PABPC4L: variants seen among roughly 807,000 people sequenced by gnomAD.
PABPC4L encodes polyadenylate-binding protein 4-like.
For missense variants in PABPC4L, 452 were observed against 451.4 expected (o/e 1.00, Z -0.01); for synonymous variants, 169 against 164.1 (o/e 1.03, Z -0.23).
the PABPC4L span, among the ~76,000 whole-genome samples, chr4:134,190,992 T>C: frequency 6.6e-6 from 1 of 152,182 alleles, no homozygotes; most frequent in African/African-American, 2.4e-5. Flanking sequence ...GCTTTCAGTG[T>C]ATCTCTTGAT....
the PABPC4L span, among the ~76,000 whole-genome samples, chr4:134,015,884 G>T: frequency 1.3e-5 from 2 of 152,110 alleles, no homozygotes; most frequent in Non-Finnish European, 2.9e-5. Flanking sequence ...ACTCTCTACA[G>T]TTCTCATAAC....
At chr4:134,157,199 A>T in the PABPC4L span, among the ~76,000 whole-genome samples, 1 of 151,236 alleles carries the variant, frequency 6.6e-6, no homozygotes, top group African/African-American at 2.4e-5. Flanking sequence ...TACCATGTGG[A>T]AGAATTTTTT....
the PABPC4L span, among the ~76,000 whole-genome samples, chr4:134,089,426 A>T: frequency 1.3e-5 from 2 of 152,100 alleles, no homozygotes; most frequent in East Asian, 1.9e-4. Flanking sequence ...CACAGTTTAC[A>T]TTAGGATTTA....
chr4:134,022,479 A>C, the PABPC4L span, among the ~76,000 whole-genome samples: 21 of 152,128 alleles, frequency 1.4e-4, no homozygotes, highest in Non-Finnish European at 2.9e-4. Flanking sequence ...TGTGTAATGT[A>C]AATTCATAGA....
the PABPC4L span, among the ~76,000 whole-genome samples, chr4:134,191,212 A>T: frequency 6.6e-6 from 1 of 152,128 alleles, no homozygotes; most frequent in East Asian, 1.9e-4. Flanking sequence ...GATTCTATAT[A>T]TACCAATTGG....
chr4:134,113,656 T>G, the PABPC4L span, among the ~76,000 whole-genome samples: 2 of 151,856 alleles, frequency 1.3e-5, no homozygotes, highest in Non-Finnish European at 2.9e-5. Context: ...ATACCAGATA[T>G]AGTAAACATT....
At chr4:134,080,704 G>A in the PABPC4L span, among the ~76,000 whole-genome samples, 1 of 152,080 alleles carries the variant, frequency 6.6e-6, no homozygotes, top group Non-Finnish European at 1.5e-5. Context: ...TATAGGAAGT[G>A]ACACAACAAA....
At chr4:134,145,990 C>G in the PABPC4L span, among the ~76,000 whole-genome samples, 425 of 151,974 alleles carry the variant, frequency 2.8e-3, 1 homozygote, top group Middle Eastern at 0.01. Flanking sequence ...ATTTATACAT[C>G]CAGTTATGGA....
the PABPC4L span, among the ~76,000 whole-genome samples, chr4:134,002,000 T>G: frequency 6.6e-6 from 1 of 152,130 alleles, no homozygotes; most frequent in African/African-American, 2.4e-5. Context: ...GAGATATTGA[T>G]TAAATAATAT....
the PABPC4L span, among the ~76,000 whole-genome samples, chr4:134,171,965 T>A: frequency 6.6e-6 from 1 of 152,040 alleles, no homozygotes; most frequent in Non-Finnish European, 1.5e-5. Flanking sequence ...AACAGGGGCA[T>A]GAAATATCTC....
At chr4:133,973,446 C>T in the PABPC4L span, among the ~76,000 whole-genome samples, 1 of 151,742 alleles carries the variant, frequency 6.6e-6, no homozygotes, top group Admixed American at 6.6e-5. Context: ...TGAAGGAAGA[C>T]TTATCCAATA....
At chr4:133,969,789 C>T in the PABPC4L span, among the ~76,000 whole-genome samples, 7 of 152,234 alleles carry the variant, frequency 4.6e-5, no homozygotes, top group East Asian at 1.9e-4. Context: ...CACACACATA[C>T]GCACACTACC....
the PABPC4L span, among the ~76,000 whole-genome samples, chr4:133,996,866 G>A: frequency 1.3e-5 from 2 of 151,944 alleles, no homozygotes; most frequent in East Asian, 3.9e-4. Flanking sequence ...AATTAACATT[G>A]TCGACCCCCT....
At chr4:134,034,180 A>G in the PABPC4L span, among the ~76,000 whole-genome samples, 1 of 151,966 alleles carries the variant, frequency 6.6e-6, no homozygotes, top group African/African-American at 2.4e-5. Flanking sequence ...TGGTCTGTAA[A>G]TGGAAGAACA....
At chr4:134,065,644 T>A in the PABPC4L span, among the ~76,000 whole-genome samples, 4 of 152,122 alleles carry the variant, frequency 2.6e-5, no homozygotes, top group Admixed American at 1.3e-4. Flanking sequence ...ATGACTTTTT[T>A]ATTTTTTTCG....
chr4:134,080,866 T>C, the PABPC4L span, among the ~76,000 whole-genome samples: 31 of 152,134 alleles, frequency 2.0e-4, no homozygotes, highest in Admixed American at 3.9e-4. Flanking sequence ...GAAGGTTCCA[T>C]AGGGATGTCT....
chr4:134,049,990 G>A, the PABPC4L span, among the ~76,000 whole-genome samples: 2 of 152,048 alleles, frequency 1.3e-5, no homozygotes, highest in South Asian at 2.1e-4. Flanking sequence ...CCTTTCACTG[G>A]TGGGATCAGA....
At chr4:134,076,120 G>A in the PABPC4L span, among the ~76,000 whole-genome samples, 1 of 151,682 alleles carries the variant, frequency 6.6e-6, no homozygotes, top group Non-Finnish European at 1.5e-5. Flanking sequence ...AAAATTTTCA[G>A]AATGACTTCT....
chr4:134,054,584 C>T, the PABPC4L span, among the ~76,000 whole-genome samples: 1 of 151,824 alleles, frequency 6.6e-6, no homozygotes, highest in African/African-American at 2.4e-5. Flanking sequence ...CTTCATTTCT[C>T]TAAATTTTGT....
Sources: allele counts gnomAD v4.1 joint callset (sites outside exome capture counted in the v4.1 genomes callset), GRCh38; gene constraint gnomAD v4.1.1; transcripts MANE v1.5; gene names NCBI Gene and HGNC (gene_info 2026-07-23, HGNC 2026-07-21).